Variants in BCHE observed in about 807,000 individuals in gnomAD.
BCHE encodes cholinesterase.
In BCHE, 48 loss-of-function variants were observed where a neutral mutation model predicts 51.3. That is an observed-to-expected ratio of 0.94 (90% CI 0.74 to 1.19). The LOEUF is 1.19. Ranked by LOEUF, BCHE falls within the 50% of genes most tolerant of loss-of-function variation. The probability of loss-of-function intolerance (pLI) is 0.00; values close to 1 mark genes in which losing one functional copy is unlikely to be tolerated. For synonymous variants in BCHE, 251 were observed against 238.0 expected, an observed-to-expected ratio of 1.05 and a Z score of -0.50; for missense variants, 847 against 708.2, an observed-to-expected ratio of 1.20 and a Z score of -2.23.
At chr3:165,807,985 A>AGTT (rs768082805) in intron 2 of BCHE, among the ~76,000 whole-genome samples, 6 of 148,986 alleles carry the variant, frequency 4.0e-5, no homozygotes, top group African/African-American at 1.5e-4. Flanking sequence ...TTTTTTTTGT[A>AGTT]GTTGTTGTTG....
chr3:165,835,409 T>C (rs1715155097), intron 1 of BCHE, among the ~76,000 whole-genome samples: 1 of 151,844 alleles, frequency 6.6e-6, no homozygotes, highest in Non-Finnish European at 1.5e-5. Flanking sequence ...ATATTCAAAA[T>C]ATTTTCCCTG....
chr3:165,780,830 A>T (rs1314818773), intron 3 of BCHE, among the ~76,000 whole-genome samples: 2 of 152,212 alleles, frequency 1.3e-5, no homozygotes, highest in East Asian at 1.9e-4. Context: ...AAATTAGTTC[A>T]ACCATTGTGG....
chr3:165,834,140 T>C (rs56192102), intron 1 of BCHE, among the ~76,000 whole-genome samples: 3,788 of 152,216 alleles, frequency 0.025, 154 homozygotes, highest in African/African-American at 0.088. Flanking sequence ...TGTGTAATTA[T>C]GAAATGTGAT....
intron 2 of BCHE, among the ~76,000 whole-genome samples, chr3:165,793,661 A>T (rs775170826): frequency 5.3e-5 from 8 of 152,330 alleles, no homozygotes; most frequent in Admixed American, 1.3e-4. Flanking sequence ...TATTTTTAAG[A>T]AAAACAGTAT....
chr3:165,808,713 G>T (rs952299376), intron 2 of BCHE, among the ~76,000 whole-genome samples: 2 of 151,962 alleles, frequency 1.3e-5, no homozygotes, highest in African/African-American at 2.4e-5. Context: ...TGAAGTGAGA[G>T]CCATGATTGC....
At chr3:165,826,364 T>C (rs955319890) in intron 2 of BCHE, among the ~76,000 whole-genome samples, 12 of 152,094 alleles carry the variant, frequency 7.9e-5, no homozygotes, top group Non-Finnish European at 1.8e-4. Flanking sequence ...TGCAATTCTA[T>C]TATGCTGAGC....
chr3:165,789,580 A>G (rs1249671294), intron 2 of BCHE, among the ~76,000 whole-genome samples: 1 of 152,150 alleles, frequency 6.6e-6, no homozygotes, highest in Non-Finnish European at 1.5e-5. Context: ...AGCTATAGTA[A>G]TTTTTGAGAG....
chr3:165,830,191 A>G lies in BCHE; in HGVS notation c.843T>C (p.Ser281=). 6.2e-7 allele frequency: 1 copy of G among 1,614,006 alleles called. No homozygotes were observed. The highest frequency in any genetic ancestry group is 8.5e-7 in the Non-Finnish European group (1 of 1,179,922). The change falls in exon 2 of 4, where the codon TCT becomes TCC. Residue 281 remains serine (S), a synonymous_variant. Coordinates refer to ENST00000264381, the MANE Select transcript of BCHE (RefSeq NM_000055.4). ...TGATTATTTCAGTCTCATTCTCTCT[A>G]GAGCAACCAGTCAATTTAGCTAAGT... ...TLNLAKLTGC[S]RENETEIIKC... is the part of the protein sequence containing the mutation.
intron 2 of BCHE, among the ~76,000 whole-genome samples, chr3:165,824,170 AATT>A (rs1714636558): frequency 6.6e-6 from 1 of 151,638 alleles, no homozygotes; most frequent in Non-Finnish European, 1.5e-5. Flanking sequence ...AACATCAATA[AATT>A]ATATTATTAT....
chr3:165,803,275 A>G (rs961520010), intron 2 of BCHE, among the ~76,000 whole-genome samples: 7 of 152,194 alleles, frequency 4.6e-5, no homozygotes, highest in South Asian at 2.1e-4. Context: ...TAGAGCTTAC[A>G]TGTTGGTGAA....
Position 165,829,992 on chromosome 3 carries a change from C to T in BCHE, c.1042G>A (p.Gly348Ser), listed in dbSNP as rs1220732809. Residue 348 changes from glycine (G) to serine (S), a missense_variant, in exon 2 of 4, where the codon GGT becomes AGT. Gly to Ser is a moderately conservative substitution (Grantham distance 56). Transcript: ENST00000264381. ...GQFKKTQILV[G>S]VNKDEGTAFL... ...GCTGTCCCTTCATCTTTATTAACAC[C>T]CACCAAAATCTGGGTTTTTTTAAAT... The T allele has an allele frequency of 6.2e-7, 1 of 1,613,702 alleles. No homozygotes were observed. The highest frequency in any genetic ancestry group is 1.7e-5 in the Admixed American group (1 of 59,870).
rs1490912682 is a variant in BCHE at position 165,807,988 on chromosome 3, T to G, written c.1517+21529A>C. On this transcript the variant is annotated intron_variant, in intron 2 of 3. Coordinates refer to ENST00000264381, the MANE Select transcript of BCHE (RefSeq NM_000055.4). ...ATTGTTGCTTGTTTTTTTTTGTAGT[T>G]GTTGTTGTTGTTTGAGACAGAGTCT... Among the ~76,000 whole-genome samples, 5 of 151,394 alleles carry G rather than the reference T, an allele frequency of 3.3e-5. No homozygotes were observed. The South Asian group carries it at 1.0e-3, about 32-fold the overall frequency.
At chr3:165,826,549 C>T (rs1714729765) in intron 2 of BCHE, among the ~76,000 whole-genome samples, 1 of 151,908 alleles carries the variant, frequency 6.6e-6, no homozygotes, top group African/African-American at 2.4e-5. Context: ...TGGAATTATG[C>T]TTTATCTTTA....
At chr3:165,782,302 A>G (rs1159694653) in intron 3 of BCHE, among the ~76,000 whole-genome samples, 3 of 152,160 alleles carry the variant, frequency 2.0e-5, no homozygotes, top group East Asian at 1.9e-4. Context: ...AACAGAGACA[A>G]CTTGCTTTGT....
intron 2 of BCHE, among the ~76,000 whole-genome samples, chr3:165,820,162 A>G (rs1427790230): frequency 6.6e-6 from 1 of 150,850 alleles, no homozygotes; most frequent in Non-Finnish European, 1.5e-5. Flanking sequence ...TTGATCAAAC[A>G]TATCTCAGTT....
intron 2 of BCHE, among the ~76,000 whole-genome samples, chr3:165,821,236 AC>A (rs1714499961): frequency 6.6e-6 from 1 of 151,950 alleles, no homozygotes; most frequent in Non-Finnish European, 1.5e-5. Context: ...GAAAAATATA[AC>A]AAAAAGTAAA....
chr3:165,792,139 T>A (rs1560007333), intron 2 of BCHE, among the ~76,000 whole-genome samples: 1 of 152,098 alleles, frequency 6.6e-6, no homozygotes, highest in Non-Finnish European at 1.5e-5. Context: ...ACATGCATTT[T>A]TTTATTGGAA....
At chr3:165,808,126 G>A (rs561838650) in intron 2 of BCHE, among the ~76,000 whole-genome samples, 1 of 152,156 alleles carries the variant, frequency 6.6e-6, no homozygotes, top group Non-Finnish European at 1.5e-5. Flanking sequence ...TGGGACTACA[G>A]GTGCCTGCCA....
intron 2 of BCHE, among the ~76,000 whole-genome samples, chr3:165,796,444 T>C (rs1713379804): frequency 6.6e-6 from 1 of 152,212 alleles, no homozygotes; most frequent in Non-Finnish European, 1.5e-5. Context: ...GTTTTATTAC[T>C]AGATCCTAAT....
Sources: allele counts gnomAD v4.1 joint callset (sites outside exome capture counted in the v4.1 genomes callset), GRCh38; gene constraint gnomAD v4.1.1; transcripts MANE v1.5; gene names NCBI Gene and HGNC (gene_info 2026-07-23, HGNC 2026-07-21).